TENM3: variants seen among roughly 807,000 people sequenced by gnomAD.
TENM3 encodes teneurin-3.
Under a neutral mutation model 255.1 loss-of-function variants are expected in TENM3, and 63 were observed. The observed-to-expected ratio is 0.25, with a 90% confidence interval of 0.20 to 0.30. The LOEUF is 0.30. Among genes scored for constraint, TENM3 ranks in the 10% least tolerant of loss-of-function variants. The pLI is 1.00. For missense variants in TENM3, 2,929 were observed against 3,461.1 expected, an observed-to-expected ratio of 0.85 and a Z score of 3.86; for synonymous variants, 1,306 against 1,322.3, an observed-to-expected ratio of 0.99 and a Z score of 0.27.
chr4:182,531,616 A>G (rs1039284826), intron 3 of TENM3, among the ~76,000 whole-genome samples: 3 of 152,174 alleles, frequency 2.0e-5, no homozygotes, highest in African/African-American at 7.2e-5. Context: ...ATGTGGGGTG[A>G]AGTCTGCAGG....
chr4:182,792,229 C>T lies in TENM3; in HGVS notation c.5602-45C>T, dbSNP rs1579531028. The T allele has an allele frequency of 3.2e-6, 5 of 1,553,058 alleles. No individual in the cohort carries two copies. Among genetic ancestry groups the T allele is most frequent in the Non-Finnish European group, 4.4e-6 (5 of 1,142,978 alleles). ...GTGGTCACTAAATCTGCTTTTGCAT[C>T]TCCCGTTCACAAACACTGAGTAACA... On this transcript the variant is annotated intron_variant, in intron 25 of 27. Coordinates refer to ENST00000511685, the MANE Select transcript of TENM3 (RefSeq NM_001080477.4). This position sits in a 1 kb window ranked among gnomAD's most constrained non-coding sequence, Gnocchi z 6.3.
chr4:181,544,432 A>AAAAAAAAG, the TENM3 span, among the ~76,000 whole-genome samples: 1 of 146,398 alleles, frequency 6.8e-6, no homozygotes, highest in East Asian at 2.0e-4. Context: ...AAAAAAAAAA[A>AAAAAAAAG]AAAACTATAA....
At chr4:181,522,095 C>T in the TENM3 span, among the ~76,000 whole-genome samples, 143 of 94,256 alleles carry the variant, frequency 1.5e-3, no homozygotes, top group African/African-American at 5.8e-3. Context: ...AGCGAGACTC[C>T]GTCTCAAAAA....
chr4:181,856,514 A>G, the TENM3 span, among the ~76,000 whole-genome samples: 1 of 152,206 alleles, frequency 6.6e-6, no homozygotes, highest in Non-Finnish European at 1.5e-5. Context: ...TATCTTCTGT[A>G]GTGTACCCTA....
chr4:182,468,978 G>GA (rs1732866210), intron 3 of TENM3, among the ~76,000 whole-genome samples: 1 of 151,816 alleles, frequency 6.6e-6, no homozygotes, highest in African/African-American at 2.4e-5. Flanking sequence ...CTGAGTTAAA[G>GA]AAAAAATTAA....
intron 3 of TENM3, among the ~76,000 whole-genome samples, chr4:182,578,801 T>C (rs1215749791): frequency 6.6e-6 from 1 of 152,216 alleles, no homozygotes; most frequent in Non-Finnish European, 1.5e-5. Flanking sequence ...GGCCCCACTT[T>C]ATCTATCCAG....
At chr4:181,450,495 C>A in the TENM3 span, among the ~76,000 whole-genome samples, 4 of 152,116 alleles carry the variant, frequency 2.6e-5, no homozygotes, top group Admixed American at 2.6e-4. Flanking sequence ...TTCCGCCTAA[C>A]AATTTTATTG....
At chr4:182,304,263 A>T (rs1280736700) in intron 1 of TENM3, among the ~76,000 whole-genome samples, 1 of 151,896 alleles carries the variant, frequency 6.6e-6, no homozygotes, top group African/African-American at 2.4e-5. Context: ...CCCAGGCTGG[A>T]GTGCAGTGGT....
chr4:182,111,996 T>A, the TENM3 span, among the ~76,000 whole-genome samples: 5 of 152,242 alleles, frequency 3.3e-5, no homozygotes, highest in East Asian at 9.7e-4. Context: ...TTTTACATTT[T>A]AAAAAATTAC....
chr4:182,087,169 C>T, the TENM3 span, among the ~76,000 whole-genome samples: 5 of 152,136 alleles, frequency 3.3e-5, no homozygotes, highest in African/African-American at 4.8e-5. Context: ...TCGGAGCTCC[C>T]GGGCTACAGG....
At chr4:182,527,498 A>G (rs1739328587) in intron 3 of TENM3, among the ~76,000 whole-genome samples, 1 of 152,138 alleles carries the variant, frequency 6.6e-6, no homozygotes, top group African/African-American at 2.4e-5. Flanking sequence ...GGTTTAAAAA[A>G]AAAAAAACCT....
At chr4:182,066,802 T>C in the TENM3 span, among the ~76,000 whole-genome samples, 1 of 151,916 alleles carries the variant, frequency 6.6e-6, no homozygotes, top group East Asian at 1.9e-4. Flanking sequence ...TCCCAGCTAC[T>C]CGGGAGGCTG....
chr4:182,476,168 T>C lies in TENM3; in HGVS notation c.512-124756T>C, dbSNP rs148412477. Among the ~76,000 whole-genome samples, 321 of 152,288 alleles carry C rather than the reference T, an allele frequency of 2.1e-3. 3 individuals are homozygous for C. The highest frequency in any genetic ancestry group is 0.01 in the Middle Eastern group (3 of 294). On this transcript the variant is annotated intron_variant, in intron 3 of 27. Coordinates refer to ENST00000511685, the MANE Select transcript of TENM3 (RefSeq NM_001080477.4). The stretch of plus-strand genomic sequence containing the variant: ...TGAAGTCTCATCTAATAGCTGAAAC[T>C]CCCCAGAGATTTTTAGTGGCTGTTT...
chr4:181,751,883 G>A, the TENM3 span, among the ~76,000 whole-genome samples: 2 of 152,164 alleles, frequency 1.3e-5, no homozygotes, highest in Non-Finnish European at 2.9e-5. Context: ...GAACAGAAAA[G>A]AAGGCACAGA....
chr4:181,606,819 C>T, the TENM3 span, among the ~76,000 whole-genome samples: 1 of 152,112 alleles, frequency 6.6e-6, no homozygotes, highest in African/African-American at 2.4e-5. Flanking sequence ...ATAGCCAGGG[C>T]TCCAAGGGCA....
the TENM3 span, among the ~76,000 whole-genome samples, chr4:181,635,492 C>A: frequency 6.6e-6 from 1 of 152,198 alleles, no homozygotes; most frequent in African/African-American, 2.4e-5. Context: ...GAGATGGCTG[C>A]AGGTGAACAA....
the TENM3 span, among the ~76,000 whole-genome samples, chr4:182,035,516 C>G: frequency 6.6e-6 from 1 of 152,114 alleles, no homozygotes; most frequent in East Asian, 1.9e-4. Flanking sequence ...AACTCCCTAC[C>G]AATAGAATTA....
At chr4:181,597,883 A>G in the TENM3 span, among the ~76,000 whole-genome samples, 1 of 152,116 alleles carries the variant, frequency 6.6e-6, no homozygotes, top group Non-Finnish European at 1.5e-5. Flanking sequence ...GGAAGGTTTT[A>G]TTTTTGCCAC....
chr4:182,359,931 C>T (rs1046113605), intron 3 of TENM3, among the ~76,000 whole-genome samples: 19 of 151,090 alleles, frequency 1.3e-4, no homozygotes, highest in African/African-American at 2.7e-4. Context: ...TCTTTGTTCT[C>T]GTTGGTTTCA....
Sources: gnomAD v4.1 joint callset for allele counts (sites outside exome capture counted in the v4.1 genomes callset) on GRCh38, gnomAD v4.1.1 for gene constraint, Gnocchi (gnomAD v3.1) non-coding constraint, MANE v1.5 for transcripts, NCBI Gene and HGNC (gene_info 2026-07-23, HGNC 2026-07-21) for gene names.